CCDC187: variants seen among roughly 807,000 people sequenced by gnomAD.
CCDC187 encodes the protein coiled-coil domain containing 187, also known as coiled-coil domain-containing protein 187.
A neutral mutation model predicts 38.0 loss-of-function variants in CCDC187; 32 were observed. The observed-to-expected ratio is 0.84, with a 90% confidence interval of 0.64 to 1.13. CCDC187 has a LOEUF of 1.13. Among genes scored for constraint, CCDC187 ranks in the 50% most tolerant of loss-of-function variants. The pLI, the probability that CCDC187 is intolerant of heterozygous loss-of-function variation, is 0.00. For missense variants in CCDC187, 707 were observed against 786.8 expected, an observed-to-expected ratio of 0.90 and a Z score of 1.21; for synonymous variants, 333 against 347.9, an observed-to-expected ratio of 0.96 and a Z score of 0.48.
chr9:136,261,072 C>T (rs1830672607), intron 19 of CCDC187, among the ~76,000 whole-genome samples: 1 of 152,178 alleles, frequency 6.6e-6, no homozygotes, highest in African/African-American at 2.4e-5. Flanking sequence ...ATTCATTCCC[C>T]TCCCCTACAC....
At chr9:136,275,822 A>G (rs1282350518) in intron 12 of CCDC187, among the ~76,000 whole-genome samples, 2 of 152,166 alleles carry the variant, frequency 1.3e-5, no homozygotes, top group African/African-American at 4.8e-5. Context: ...CTGTCTGGCA[A>G]GAGACCTGCC....
At chr9:136,281,039 T>C (rs973117506) in intron 10 of CCDC187, 63 of 211,596 alleles carry the variant, frequency 3.0e-4, no homozygotes, top group Non-Finnish European at 4.7e-4. Flanking sequence ...TCAGTTCCCA[T>C]GGCTGCACCA....
At chr9:136,267,264 C>T (rs1256926460) in intron 16 of CCDC187, 120 bp downstream of exon 16, 3 of 644,586 alleles carry the variant, frequency 4.7e-6, no homozygotes, top group Middle Eastern at 7.6e-4. Flanking sequence ...TCTCAAAACG[C>T]TGTCGGGGCC....
intron 7 of CCDC187, among the ~76,000 whole-genome samples, chr9:136,287,916 A>G (rs1192914484): frequency 6.6e-6 from 1 of 152,182 alleles, no homozygotes; most frequent in Admixed American, 6.5e-5. Flanking sequence ...GGCCGGTCTC[A>G]AACTCCTGGC....
chr9:136,289,886 C>T (rs888607875), intron 7 of CCDC187, 73 bp downstream of exon 7: 20 of 390,746 alleles, frequency 5.1e-5, no homozygotes, highest in Admixed American at 3.2e-4. Flanking sequence ...GGCCCCAGAA[C>T]GCACCCAGAA....
chr9:136,301,432 G>A lies in CCDC187; in HGVS notation c.626-1114C>T, dbSNP rs1002117105. Among the ~76,000 whole-genome samples, 3 of 152,126 alleles carry A rather than the reference G, an allele frequency of 2.0e-5. No individual in the cohort carries two copies. In the South Asian group the frequency reaches 6.2e-4, roughly 32 times the overall value. On this transcript the variant is annotated intron_variant, in intron 2 of 25. Transcript: ENST00000638797. ...GTCCCGGGGCTGGGAGGGGACGGGG[G>A]TGAGTGTTTCATGGGGACAGAGCTT... is the stretch of plus-strand genomic sequence containing the variant.
intron 4 of CCDC187, among the ~76,000 whole-genome samples, chr9:136,293,226 C>T (rs1174229636): frequency 6.7e-6 from 1 of 148,248 alleles, no homozygotes; most frequent in Non-Finnish European, 1.5e-5. Flanking sequence ...CACACACTCA[C>T]ACTCACACGC....
At position 136,255,141 on chromosome 9, in the gene CCDC187, G is replaced by A; in HGVS notation, c.4694-7C>T. The A allele has an allele frequency of 1.0e-6, 1 of 985,416 alleles. No homozygotes were observed. The allele number at this position is 985,416 out of a possible 1,614,324, so 61.0% of individuals were successfully genotyped here. On this transcript the variant is annotated splice_region_variant and splice_polypyrimidine_tract_variant and intron_variant, in intron 25 of 25. Coordinates refer to ENST00000638797, the MANE Select transcript of CCDC187 (RefSeq NM_001378188.1). ...TCAGGGACCACAGGAGCTGCTAAGA[G>A]AGGGGGCAATCAACAGTGGTCACCC...
Position 136,262,441 on chromosome 9 carries a change from C to T in CCDC187, c.3934G>A (p.Ala1312Thr), listed in dbSNP as rs146960281. Residue 1312 changes from alanine (A) to threonine (T), a missense_variant, in exon 19 of 26, where the codon GCC becomes ACC. Coordinates refer to ENST00000638797, the MANE Select transcript of CCDC187 (RefSeq NM_001378188.1). Reference sequence around the variant, plus strand: ...GTCTCTGAGCCTCCCTCCCAGGCGGCCTTGACTTTGGGGCTGGAACCCTGT... The same window carrying T: ...GTCTCTGAGCCTCCCTCCCAGGCGGTCTTGACTTTGGGGCTGGAACCCTGT... ...LQQGSSPKVK[A>T]AWEGGSETSQ... The T allele has an allele frequency of 1.2e-3, 1,180 of 985,888 alleles. 15 individuals are homozygous for T. In the African/African-American group the frequency reaches 0.02, roughly 16 times the overall value. The allele number at this position is 985,888 out of a possible 1,614,324, so 61.1% of individuals were successfully genotyped here. A position where few individuals can be genotyped will look rare whatever the true frequency, so the allele number is the denominator to read the frequency against.
At chr9:136,293,356 C>CAA (rs1365986443) in intron 4 of CCDC187, among the ~76,000 whole-genome samples, 1 of 143,498 alleles carries the variant, frequency 7.0e-6, no homozygotes, top group Non-Finnish European at 1.5e-5. Flanking sequence ...CATGCTCACA[C>CAA]ACATTCACAT....
chr9:136,267,635 C>G, intron 15 of CCDC187, 124 bp from the exon 16 acceptor site: 2 of 984,376 alleles, frequency 2.0e-6, no homozygotes, highest in Non-Finnish European at 2.4e-6. Flanking sequence ...CACAGGCCAC[C>G]GCCTCCGAGA....
intron 4 of CCDC187, among the ~76,000 whole-genome samples, chr9:136,293,484 CAA>C (rs1190215354): frequency 1.8e-4 from 24 of 134,624 alleles, no homozygotes; most frequent in East Asian, 7.7e-4. Context: ...CACACACTCA[CAA>C]ACACATGCTC....
chr9:136,306,096 G>A (rs1831801016), upstream of CCDC187, among the ~76,000 whole-genome samples: 1 of 152,232 alleles, frequency 6.6e-6, no homozygotes, highest in Non-Finnish European at 1.5e-5. Context: ...TGCATGGGGT[G>A]GACAGGAGCA....
chr9:136,255,051 G>C lies in CCDC187; in HGVS notation c.4777C>G (p.Pro1593Ala). 1.0e-6 allele frequency: 1 copy of C among 985,544 alleles called. No individual in the cohort carries two copies. The highest frequency in any genetic ancestry group is 1.2e-6 in the Non-Finnish European group (1 of 830,028). 61.0% of individuals were successfully genotyped at this position (985,544 alleles called of 1,614,324 possible). A position where few individuals can be genotyped will look rare whatever the true frequency, so the allele number is the denominator to read the frequency against. ...PLLPTTSSCG[P>A]GSESASGTCW... ...GTTCCAGAAGCAGACTCAGAGCCTG[G>C]ACCGCAGGAGGAGGTGGTGGGGAGA... Residue 1593 changes from proline to alanine, a missense_variant, in exon 26 of 26, where the codon CCA (proline) becomes GCA (alanine). Transcript: ENST00000638797.
rs1252242474 is a variant in CCDC187 at position 136,251,185 on chromosome 9, A to G, written c.*2409T>C. The G allele has an allele frequency of 5.5e-6, 2 of 361,474 alleles. No individual in the cohort carries two copies. The highest frequency in any genetic ancestry group is 6.8e-5 in the Admixed American group (2 of 29,360). The allele number at this position is 361,474 out of a possible 1,614,324, so 22.4% of individuals were successfully genotyped here. A position where few individuals can be genotyped will look rare whatever the true frequency, so the allele number is the denominator to read the frequency against. On this transcript the variant is annotated 3_prime_UTR_variant, in exon 26 of 26. Transcript: ENST00000638797. ...CTGCTCATCAACTCCGCATTCAAGAAGAGACCCTCAGATTCAAAAGGGTCC... is the reference window on the plus strand; with the variant it reads ...CTGCTCATCAACTCCGCATTCAAGAGGAGACCCTCAGATTCAAAAGGGTCC...
At chr9:136,301,673 G>A (rs905037755) in intron 2 of CCDC187, among the ~76,000 whole-genome samples, 1 of 142,012 alleles carries the variant, frequency 7.0e-6, no homozygotes, top group African/African-American at 2.6e-5. Flanking sequence ...TGCAAGCTCC[G>A]CCTCCTGGAT....
At chr9:136,304,381 G>T (rs1831765594), upstream of CCDC187, among the ~76,000 whole-genome samples, 1 of 152,186 alleles carries the variant, frequency 6.6e-6, no homozygotes, top group African/African-American at 2.4e-5. Flanking sequence ...GCAGCTGTGG[G>T]GCCCAGCCCA....
intron 2 of CCDC187, among the ~76,000 whole-genome samples, chr9:136,300,624 G>A (rs974561795): frequency 9.9e-4 from 149 of 150,020 alleles, no homozygotes; most frequent in African/African-American, 3.5e-3. Flanking sequence ...CTGAGGCGGA[G>A]ACTAGCTCTG....
Position 136,263,717 on chromosome 9 carries a change from C to G in CCDC187, c.3817G>C (p.Val1273Leu). Residue 1273 changes from valine (V) to leucine (L), a missense_variant, in exon 18 of 26, where the codon GTC (valine) becomes CTC (leucine). Val to Leu is a conservative substitution (Grantham distance 32). Transcript: ENST00000638797. ...ATGTCCACAGGCCCCGGCATGGAGA[C>G]GACGTCCCTCTGATGCTGCAGAAGC... ...KLLLQHQRDV[V>L]SMPGPVDILP... The G allele has an allele frequency of 2.0e-6, 2 of 985,478 alleles. No homozygotes were observed. Among genetic ancestry groups the G allele is most frequent in the African/African-American group, 3.5e-5 (2 of 57,370 alleles). The allele number at this position is 985,478 out of a possible 1,614,324, so 61.0% of individuals were successfully genotyped here.
Sources: gnomAD v4.1 joint callset for allele counts (sites outside exome capture counted in the v4.1 genomes callset) on GRCh38, gnomAD v4.1.1 for gene constraint, MANE v1.5 for transcripts, NCBI Gene and HGNC (gene_info 2026-07-23, HGNC 2026-07-21) for gene names.